Variants in FAM83G observed in about 807,000 individuals in gnomAD.
The protein encoded by FAM83G is scaffolding CK1 anchoring protein G.
Under a neutral mutation model 61.5 loss-of-function variants are expected in FAM83G, and 38 were observed. The ratio of observed to expected loss-of-function variants is 0.62; its 90% CI spans 0.48 to 0.81. The LOEUF is 0.81. Ranked by LOEUF, FAM83G falls within the 30% of genes least tolerant of loss-of-function variation. The pLI is 0.00. For synonymous variants in FAM83G, 470 were observed against 476.1 expected (o/e 0.99, Z 0.17); for missense variants, 989 against 1,133.6 (o/e 0.87, Z 1.83).
In FAM83G at chr17:18,970,678, G is replaced by A. The variant is rs533493243; in HGVS notation, c.*681C>T. Reference sequence around the variant, plus strand: ...CTTTTGCTTCCTTGAATCGACAATCGGAAACCTGGCTGAGAACCACTTGCC... The same window carrying A: ...CTTTTGCTTCCTTGAATCGACAATCAGAAACCTGGCTGAGAACCACTTGCC... On this transcript the variant is annotated 3_prime_UTR_variant, in exon 6 of 6. Transcript: ENST00000388995. 39 of 332,234 alleles carry A rather than the reference G, an allele frequency of 1.2e-4. No homozygotes were observed. The highest frequency in any genetic ancestry group is 7.1e-4 in the African/African-American group (34 of 48,122). 20.6% of individuals were successfully genotyped at this position (332,234 alleles called of 1,614,324 possible).
chr17:18,978,592 G>A lies in FAM83G; in HGVS notation c.1074C>T (p.Asp358=), dbSNP rs745480019. ...TCTCAGAGGAGATCTTGGCAATCTC[G>A]TCGACGCTCTTGGCCTTGACAAGTG... ...KYALVKAKSV[D]EIAKISSEKQ... Residue 358 remains aspartate (D), a synonymous_variant, in exon 5 of 6, where the codon GAC becomes GAT. Coordinates refer to ENST00000388995, the MANE Select transcript of FAM83G (RefSeq NM_001039999.3). 64 of 1,613,032 alleles carry A rather than the reference G, an allele frequency of 4.0e-5. 1 individual carries two copies. Among genetic ancestry groups the A allele is most frequent in the Admixed American group, 3.7e-4 (22 of 60,002 alleles).
At chr17:18,992,674 G>A (rs1163358961) in intron 2 of FAM83G, among the ~76,000 whole-genome samples, 1 of 152,242 alleles carries the variant, frequency 6.6e-6, no homozygotes. Context: ...TGGGCTTTGG[G>A]TGAGCCACAC....
At chr17:18,997,591 C>G (rs1446840151) in intron 2 of FAM83G, among the ~76,000 whole-genome samples, 2 of 152,244 alleles carry the variant, frequency 1.3e-5, no homozygotes, top group Non-Finnish European at 2.9e-5. Flanking sequence ...ATCAAGCATC[C>G]TAATGCCCCA....
intron 3 of FAM83G, among the ~76,000 whole-genome samples, chr17:18,985,204 G>C (rs745391036): frequency 1.3e-5 from 2 of 152,198 alleles, no homozygotes; most frequent in Non-Finnish European, 1.5e-5. Context: ...GCTCGTGACC[G>C]AAGGCCCACC....
intron 2 of FAM83G, among the ~76,000 whole-genome samples, chr17:18,997,152 G>GCTGCA: frequency 6.6e-6 from 1 of 152,254 alleles, no homozygotes; most frequent in Admixed American, 6.5e-5. Flanking sequence ...AGTGGGTTGG[G>GCTGCA]GTCAAGAAGC....
intron 2 of FAM83G, among the ~76,000 whole-genome samples, chr17:18,999,367 G>A (rs542224069): frequency 8.1e-4 from 123 of 152,302 alleles, no homozygotes; most frequent in African/African-American, 2.9e-3. Flanking sequence ...GCAGGGGTAG[G>A]GCTCAGAAGG....
At position 18,969,565 on chromosome 17, in the gene FAM83G, C is replaced by G. The variant is rs2152000045; in HGVS notation, c.*1794G>C. On this transcript the variant is annotated 3_prime_UTR_variant, in exon 6 of 6. Coordinates refer to ENST00000388995, the MANE Select transcript of FAM83G (RefSeq NM_001039999.3). Reference sequence around the variant, plus strand: ...GAGTGGGTGGGTTCAGGAGGTTGAGCCACTAGGCAGTCAGCCCCCCTGCTG... The same window carrying G: ...GAGTGGGTGGGTTCAGGAGGTTGAGGCACTAGGCAGTCAGCCCCCCTGCTG... 2.8e-6 allele frequency: 2 copies of G among 708,476 alleles called. No homozygotes were observed. Among genetic ancestry groups the G allele is most frequent in the South Asian group, 4.1e-5 (2 of 48,312 alleles). The allele number at this position is 708,476 out of a possible 1,614,324, so 43.9% of individuals were successfully genotyped here.
At chr17:18,991,172 C>T (rs1296809026) in intron 2 of FAM83G, among the ~76,000 whole-genome samples, 1 of 152,218 alleles carries the variant, frequency 6.6e-6, no homozygotes, top group East Asian at 1.9e-4. Flanking sequence ...TCACTTGTGA[C>T]ACCATGAGCT....
intron 5 of FAM83G, chr17:18,976,831 C>T (rs773418136): frequency 6.2e-7 from 1 of 1,611,638 alleles, no homozygotes; most frequent in South Asian, 1.1e-5. Context: ...TTGGACTCAC[C>T]CCGTCTCGCA....
In FAM83G at chr17:18,978,827, G is replaced by C; in HGVS notation, c.839C>G (p.Thr280Arg). 1 of 1,612,384 alleles carries C rather than the reference G, an allele frequency of 6.2e-7. No individual in the cohort carries two copies. The highest frequency in any genetic ancestry group is 8.5e-7 in the Non-Finnish European group (1 of 1,179,562). The change falls in exon 5 of 6, where the codon ACG becomes AGG. Residue 280 changes from threonine (T) to arginine (R), a missense_variant. Thr to Arg is a moderately conservative substitution (Grantham distance 71, BLOSUM62 -1). Transcript: ENST00000388995. ...SYSFTWSAAR[T>R]DRNVISVLSG... ...CAGCACAGAGATCACATTCCGGTCC[G>C]TCCGCGCGGCCGACCACGTGAAGCT...
chr17:18,974,765 TCTC>T (rs2042938705), intron 5 of FAM83G, among the ~76,000 whole-genome samples: 1 of 152,140 alleles, frequency 6.6e-6, no homozygotes. Flanking sequence ...TTGCAACAAC[TCTC>T]CTCATTTTGC....
Position 18,988,324 on chromosome 17 carries a change from T to C in FAM83G, c.613A>G (p.Ile205Val). The change falls in exon 3 of 6, where the codon ATC becomes GTC. Residue 205 changes from isoleucine (I) to valine (V), a missense_variant. Physicochemically the swap from Ile to Val is conservative, Grantham distance 29. Transcript: ENST00000388995. ...AGFKRKVAVY[I>V]IVDESNVKYF... ...TTGACGTTACTCTCATCCACGATGA[T>C]GTACACGGCCACTTTCCTCTTGAAG... The C allele has an allele frequency of 1.2e-6, 2 of 1,614,238 alleles. No homozygotes were observed. Among genetic ancestry groups the C allele is most frequent in the Non-Finnish European group, 1.7e-6 (2 of 1,180,042 alleles).
intron 2 of FAM83G, among the ~76,000 whole-genome samples, chr17:18,989,685 C>T (rs2043362475): frequency 6.6e-6 from 1 of 152,350 alleles, no homozygotes; most frequent in East Asian, 1.9e-4. Context: ...TGCCCGTTTG[C>T]TGCCTTTCTC....
Position 18,971,882 on chromosome 17 carries a change from G to T in FAM83G, c.2083-134C>A. On this transcript the variant is annotated intron_variant, in intron 5 of 5. Coordinates refer to ENST00000388995, the MANE Select transcript of FAM83G (RefSeq NM_001039999.3). The surrounding 1 kb of genome is among the most constrained non-coding windows in gnomAD (Gnocchi z 5.5). Reference sequence around the variant, plus strand: ...GGCTCTGCCATTCACCAGGGAGTGGGCCTAGACCAGTTGGTTTAGTCACTC... The same window carrying T: ...GGCTCTGCCATTCACCAGGGAGTGGTCCTAGACCAGTTGGTTTAGTCACTC... The T allele has an allele frequency of 1.1e-6, 1 of 901,484 alleles. No homozygotes were observed. The highest frequency in any genetic ancestry group is 1.6e-6 in the Non-Finnish European group (1 of 611,510). The allele number at this position is 901,484 out of a possible 1,614,324, so 55.8% of individuals were successfully genotyped here.
Position 18,978,867 on chromosome 17 carries a change from G to A in FAM83G, c.816-17C>T, listed in dbSNP as rs1440677966. Reference sequence around the variant, plus strand: ...CACGTGAAGCTGCAACAGAGGGAGGGGGCGCTGGTCAGGCACATGACCCTG... The same window carrying A: ...CACGTGAAGCTGCAACAGAGGGAGGAGGCGCTGGTCAGGCACATGACCCTG... On this transcript the variant is annotated splice_polypyrimidine_tract_variant and intron_variant, in intron 4 of 5. Coordinates refer to ENST00000388995, the MANE Select transcript of FAM83G (RefSeq NM_001039999.3). 2.0e-5 allele frequency: 32 copies of A among 1,609,624 alleles called. No homozygotes were observed. The highest frequency in any genetic ancestry group is 2.6e-5 in the Non-Finnish European group (31 of 1,177,510).
chr17:18,974,053 C>T (rs536468004), intron 5 of FAM83G, among the ~76,000 whole-genome samples: 73 of 152,124 alleles, frequency 4.8e-4, no homozygotes, highest in African/African-American at 1.5e-3. Flanking sequence ...CCATCATGCC[C>T]GGCTAATTTT....
At chr17:18,979,497 T>A in intron 4 of FAM83G, 52 bp downstream of exon 4, 1 of 1,602,706 alleles carries the variant, frequency 6.2e-7, no homozygotes, top group Non-Finnish European at 8.5e-7. Context: ...CAGAAGCCAG[T>A]TGGGAGCCAG....
chr17:18,999,971 G>A (rs1401548136), intron 2 of FAM83G, among the ~76,000 whole-genome samples: 1 of 152,224 alleles, frequency 6.6e-6, no homozygotes, highest in African/African-American at 2.4e-5. Context: ...TCTGCTGGAG[G>A]AGCAACCAGC....
intron 5 of FAM83G, among the ~76,000 whole-genome samples, chr17:18,973,399 G>C (rs1442859939): frequency 6.6e-6 from 1 of 152,238 alleles, no homozygotes; most frequent in African/African-American, 2.4e-5. Context: ...GAACACTGCT[G>C]ACCCCAGGTG....
Sources: gnomAD v4.1 joint callset for allele counts (sites outside exome capture counted in the v4.1 genomes callset) on GRCh38, gnomAD v4.1.1 for gene constraint, Gnocchi (gnomAD v3.1) non-coding constraint, MANE v1.5 for transcripts, NCBI Gene and HGNC (gene_info 2026-07-23, HGNC 2026-07-21) for gene names.